FLT1: variants seen among roughly 807,000 people sequenced by gnomAD.
FLT1 encodes fms related receptor tyrosine kinase 1, also known as vascular endothelial growth factor receptor 1.
A neutral mutation model predicts 156.3 loss-of-function variants in FLT1; 49 were observed. That is an observed-to-expected ratio of 0.31 (90% CI 0.25 to 0.40). The LOEUF is 0.40. Ranked by LOEUF, FLT1 falls within the 10% of genes least tolerant of loss-of-function variation. The pLI, the probability that FLT1 is intolerant of heterozygous loss-of-function variation, is 1.00. For synonymous variants in FLT1, 594 were observed against 583.8 expected, an observed-to-expected ratio of 1.02 and a Z score of -0.25; for missense variants, 1,322 against 1,637.2, an observed-to-expected ratio of 0.81 and a Z score of 3.32.
At chr13:28,395,559 T>C (rs554344972) in intron 12 of FLT1, among the ~76,000 whole-genome samples, 2 of 152,332 alleles carry the variant, frequency 1.3e-5, no homozygotes, top group Admixed American at 6.5e-5. Flanking sequence ...CACAATAGTT[T>C]GGATATATTG....
chr13:28,388,676 C>T lies in FLT1; in HGVS notation c.1969+1120G>A, dbSNP rs1429016338. 5.7e-6 allele frequency: 6 copies of T among 1,056,224 alleles called. No individual in the cohort carries two copies. In the East Asian group the frequency reaches 3.2e-4, roughly 56 times the overall value. 65.4% of individuals were successfully genotyped at this position (1,056,224 alleles called of 1,614,324 possible). A position where few individuals can be genotyped will look rare whatever the true frequency, so the allele number is the denominator to read the frequency against. On this transcript the variant is annotated intron_variant, in intron 13 of 29. Coordinates refer to ENST00000282397, the MANE Select transcript of FLT1 (RefSeq NM_002019.4). ...GCCGCTTCTTAATCCCCATAAAAAT[C>T]CTATTAACATTTGCATATGGGGAAA... is the stretch of plus-strand genomic sequence containing the variant.
At chr13:28,466,709 T>G (rs191295327) in intron 3 of FLT1, 194 bp downstream of exon 3, 2 of 676,950 alleles carry the variant, frequency 3.0e-6, no homozygotes, top group Admixed American at 4.1e-5. Flanking sequence ...GTGGAGCACA[T>G]AGTGACTAAC....
At chr13:28,384,304 G>A (rs769020663) in intron 14 of FLT1, among the ~76,000 whole-genome samples, 14 of 151,942 alleles carry the variant, frequency 9.2e-5, no homozygotes, top group Non-Finnish European at 1.8e-4. Context: ...CATGGTGACA[G>A]CACATGCCTG....
rs994818206 is a variant in FLT1 at position 28,494,953 on chromosome 13, G to A, written c.-110C>T. 3 of 795,956 alleles carry A rather than the reference G, an allele frequency of 3.8e-6. No individual in the cohort carries two copies. 49.3% of individuals were successfully genotyped at this position (795,956 alleles called of 1,614,324 possible). A position where few individuals can be genotyped will look rare whatever the true frequency, so the allele number is the denominator to read the frequency against. ...CCGCCGCCGGCCCCGCGCCCTGAGC[G>A]CCCGTCTCGCGGCTCCAGCCAGGAG... On this transcript the variant is annotated 5_prime_UTR_variant, in exon 1 of 30. Transcript: ENST00000282397.
chr13:28,311,822 G>A lies in FLT1; in HGVS notation c.3493-90C>T, dbSNP rs562619634. On this transcript the variant is annotated intron_variant, in intron 26 of 29. Coordinates refer to ENST00000282397, the MANE Select transcript of FLT1 (RefSeq NM_002019.4). ...TATGTCAACTTTGACTATGTCATTT[G>A]CACAATCTTGGTTGTGTTTTGAGAA... The A allele has an allele frequency of 7.7e-6, 11 of 1,423,836 alleles. No individual in the cohort carries two copies. The South Asian group carries it at 1.3e-4, about 16-fold the overall frequency. The allele number at this position is 1,423,836 out of a possible 1,614,324, so 88.2% of individuals were successfully genotyped here. A position where few individuals can be genotyped will look rare whatever the true frequency, so the allele number is the denominator to read the frequency against.
At chr13:28,321,069 C>G (rs138653311) in intron 23 of FLT1, among the ~76,000 whole-genome samples, 442 of 152,290 alleles carry the variant, frequency 2.9e-3, no homozygotes, top group Non-Finnish European at 4.2e-3. Context: ...ACAGATACAC[C>G]TGCTGAATCA....
At chr13:28,345,164 T>C (rs980173980) in intron 16 of FLT1, among the ~76,000 whole-genome samples, 9 of 152,158 alleles carry the variant, frequency 5.9e-5, no homozygotes, top group Non-Finnish European at 1.2e-4. Flanking sequence ...GGTCCCACAC[T>C]GACTTTAAAG....
At position 28,465,861 on chromosome 13, in the gene FLT1, A is replaced by G. The variant is rs530673551; in HGVS notation, c.388+1042T>C. Among the ~76,000 whole-genome samples, 3 of 152,030 alleles carry G rather than the reference A, an allele frequency of 2.0e-5. No homozygotes were observed. In the South Asian group the frequency reaches 6.3e-4, roughly 32 times the overall value. ...AAAAAAACAAACAAACAACAACGAAAAAGAACTGCCTCACTAAAATGTTAG... is the reference window on the plus strand; with the variant it reads ...AAAAAAACAAACAAACAACAACGAAGAAGAACTGCCTCACTAAAATGTTAG... On this transcript the variant is annotated intron_variant, in intron 3 of 29. Coordinates refer to ENST00000282397, the MANE Select transcript of FLT1 (RefSeq NM_002019.4).
chr13:28,400,566 T>C (rs1030056679), intron 11 of FLT1, among the ~76,000 whole-genome samples: 3 of 152,168 alleles, frequency 2.0e-5, no homozygotes, highest in Non-Finnish European at 4.4e-5. Context: ...TGTAGATCAG[T>C]GTAGTCTGGC....
chr13:28,486,269 G>A (rs1881155528), intron 1 of FLT1, among the ~76,000 whole-genome samples: 1 of 152,224 alleles, frequency 6.6e-6, no homozygotes, highest in Non-Finnish European at 1.5e-5. Flanking sequence ...GGTTTCACAC[G>A]ATGGGAGGCC....
intron 3 of FLT1, among the ~76,000 whole-genome samples, chr13:28,465,609 G>A (rs1345786399): frequency 2.0e-5 from 3 of 152,150 alleles, no homozygotes; most frequent in Admixed American, 6.5e-5. Context: ...TTGGGAGGCC[G>A]AGGCAGGTGG....
At chr13:28,375,098 T>C (rs1873786688) in intron 14 of FLT1, among the ~76,000 whole-genome samples, 1 of 152,196 alleles carries the variant, frequency 6.6e-6, no homozygotes, top group African/African-American at 2.4e-5. Flanking sequence ...GGCAAAGCTT[T>C]AGGATAGGAT....
chr13:28,353,763 C>T (rs1872809173), intron 15 of FLT1, among the ~76,000 whole-genome samples: 1 of 152,098 alleles, frequency 6.6e-6, no homozygotes, highest in South Asian at 2.1e-4. Context: ...TATGGAATTT[C>T]CCCTTTGAGA....
Position 28,306,774 on chromosome 13 carries a change from T to C in FLT1, c.3721-2A>G, listed in dbSNP as rs1870770306. Reference sequence around the variant, plus strand: ...AGTGCTGCTGTCGCCCTGGTAGTCCTAGGGGGAGAAGGAGAAAGGTTATAC... The same window carrying C: ...AGTGCTGCTGTCGCCCTGGTAGTCCCAGGGGGAGAAGGAGAAAGGTTATAC... On this transcript the variant is annotated splice_acceptor_variant, in intron 28 of 29. Coordinates refer to ENST00000282397, the MANE Select transcript of FLT1 (RefSeq NM_002019.4). LOFTEE classifies it high-confidence loss of function. 1 of 1,604,778 alleles carries C rather than the reference T, an allele frequency of 6.2e-7. No individual in the cohort carries two copies. The highest frequency in any genetic ancestry group is 1.3e-5 in the African/African-American group (1 of 74,814).
rs1278582573 is a variant in FLT1, at chr13:28,300,489, C to G, written c.*2678G>C. 4.3e-6 allele frequency: 1 copy of G among 231,136 alleles called. No homozygotes were observed. Among genetic ancestry groups the G allele is most frequent in the East Asian group, 6.1e-5 (1 of 16,480 alleles). 14.3% of individuals were successfully genotyped at this position (231,136 alleles called of 1,614,324 possible). ...AAAGTAACTTTAAAATTCCAGTTTC[C>G]TTAAATAGTTATGCACAAAACACAC... On this transcript the variant is annotated 3_prime_UTR_variant, in exon 30 of 30. Transcript: ENST00000282397.
Position 28,382,773 on chromosome 13 carries a change from T to C in FLT1, c.2116+2112A>G, listed in dbSNP as rs557268370. Among the ~76,000 whole-genome samples, 60 of 152,266 alleles carry C rather than the reference T, an allele frequency of 3.9e-4. 1 individual carries two copies. The highest frequency in any genetic ancestry group is 7.2e-4 in the Non-Finnish European group (49 of 68,014). The stretch of plus-strand genomic sequence containing the variant: ...AAAGGAGAGACCATCACCTTCTAGT[T>C]TGGATGATTAAATATTTGATGTCAG... On this transcript the variant is annotated intron_variant, in intron 14 of 29. Coordinates refer to ENST00000282397, the MANE Select transcript of FLT1 (RefSeq NM_002019.4).
intron 13 of FLT1, chr13:28,389,293 C>A (rs1593735138): frequency 8.4e-7 from 1 of 1,189,186 alleles, no homozygotes; most frequent in Admixed American, 4.1e-5. Flanking sequence ...TCATTCTGAG[C>A]TGGAAAATTA....
At chr13:28,445,053 C>T (rs1878533668) in intron 3 of FLT1, among the ~76,000 whole-genome samples, 1 of 152,004 alleles carries the variant, frequency 6.6e-6, no homozygotes, top group African/African-American at 2.4e-5. Flanking sequence ...GAATGCAAAA[C>T]AACAGAATAA....
At chr13:28,335,461 A>G (rs1297361478) in intron 17 of FLT1, among the ~76,000 whole-genome samples, 1 of 152,056 alleles carries the variant, frequency 6.6e-6, no homozygotes, top group South Asian at 2.1e-4. Flanking sequence ...ATTTTCTTGT[A>G]GTTTGTAATG....
Sources: allele counts gnomAD v4.1 joint callset (sites outside exome capture counted in the v4.1 genomes callset), GRCh38; gene constraint gnomAD v4.1.1; transcripts MANE v1.5; gene names NCBI Gene and HGNC (gene_info 2026-07-23, HGNC 2026-07-21).